The following VAMP4 variants were observed in gnomAD, a reference collection of about 807,000 sequenced individuals.
VAMP4 encodes vesicle-associated membrane protein 4.
In VAMP4, 19 loss-of-function variants were observed where a neutral mutation model predicts 23.5. The ratio of observed to expected loss-of-function variants is 0.81; its 90% CI spans 0.56 to 1.19. The LOEUF is 1.19. Ranked by LOEUF, VAMP4 falls within the 50% of genes most tolerant of loss-of-function variation. The pLI, the probability that VAMP4 is intolerant of heterozygous loss-of-function variation, is 0.00. For synonymous variants in VAMP4, 31 were observed against 51.0 expected, an observed-to-expected ratio of 0.61 and a Z score of 1.67; for missense variants, 145 against 168.6, an observed-to-expected ratio of 0.86 and a Z score of 0.78.
At chr1:171,708,713 C>T (rs1378302756) in intron 6 of VAMP4, among the ~76,000 whole-genome samples, 1 of 136,116 alleles carries the variant, frequency 7.3e-6, no homozygotes, top group Non-Finnish European at 1.6e-5. Flanking sequence ...AAAAAAAAAA[C>T]AAAAAAAACA....
At chr1:171,721,215 A>C (rs1044765356) in intron 3 of VAMP4, among the ~76,000 whole-genome samples, 3 of 152,166 alleles carry the variant, frequency 2.0e-5, no homozygotes, top group Non-Finnish European at 1.5e-5. Context: ...ATAATATGAA[A>C]GATGAATGCT....
chr1:171,724,373 AATG>A (rs1655298565), intron 3 of VAMP4, among the ~76,000 whole-genome samples: 1 of 151,982 alleles, frequency 6.6e-6, no homozygotes, highest in African/African-American at 2.4e-5. Context: ...ATCTAATGTA[AATG>A]ATGAGTTAAC....
chr1:171,723,026 A>G (rs1435023174), intron 3 of VAMP4, among the ~76,000 whole-genome samples: 1 of 152,124 alleles, frequency 6.6e-6, no homozygotes, highest in Non-Finnish European at 1.5e-5. Context: ...AAAGAGAGAA[A>G]TTTTAAAACT....
intron 3 of VAMP4, among the ~76,000 whole-genome samples, chr1:171,721,789 T>C (rs1227574744): frequency 6.6e-6 from 1 of 152,188 alleles, no homozygotes; most frequent in Non-Finnish European, 1.5e-5. Flanking sequence ...TCCATGCTCA[T>C]GGATAGGAAG....
chr1:171,716,113 T>C (rs994532773), intron 4 of VAMP4, among the ~76,000 whole-genome samples: 14 of 152,360 alleles, frequency 9.2e-5, no homozygotes, highest in African/African-American at 2.6e-4. Flanking sequence ...AAAGTTAAGC[T>C]GTATTTTTGC....
intron 2 of VAMP4, among the ~76,000 whole-genome samples, chr1:171,732,992 CAAAGA>C (rs1229762328): frequency 6.6e-6 from 1 of 151,798 alleles, no homozygotes; most frequent in East Asian, 1.9e-4. Context: ...TATAGAAAAA[CAAAGA>C]ATAGAAATAG....
At chr1:171,738,498 C>G in intron 1 of VAMP4, 35 bp from the exon 2 acceptor site, 3 of 1,379,824 alleles carry the variant, frequency 2.2e-6, no homozygotes, top group Non-Finnish European at 3.1e-6. Context: ...AGATTTGAGA[C>G]TTTGGGGCAT....
At chr1:171,725,657 T>C (rs1655338622) in intron 3 of VAMP4, among the ~76,000 whole-genome samples, 1 of 152,132 alleles carries the variant, frequency 6.6e-6, no homozygotes, top group Non-Finnish European at 1.5e-5. Context: ...CTATCTATCC[T>C]GTAAGCTCTT....
Position 171,741,965 on chromosome 1 carries a change from CG to C in VAMP4, c.-106del. The C allele has an allele frequency of 6.6e-6, 1 of 152,378 alleles. No individual in the cohort carries two copies. Among genetic ancestry groups the C allele is most frequent in the Non-Finnish European group, 1.5e-5 (1 of 68,076 alleles). 9.4% of individuals were successfully genotyped at this position (152,378 alleles called of 1,614,324 possible). A position where few individuals can be genotyped will look rare whatever the true frequency, so the allele number is the denominator to read the frequency against. On this transcript the variant is annotated 5_prime_UTR_variant, in exon 1 of 8. It removes the in-frame stop codon of an upstream open reading frame in the 5' UTR. Transcript: ENST00000236192. The stretch of plus-strand genomic sequence containing the variant: ...TCCCGGGCTGGCGGTGCTGGGCGGG[CG>C]GGGGAAGGAGTAGGAAGCCGAGGTA...
rs1654581729 is a variant in VAMP4 at position 171,704,452 on chromosome 1, G to T, written c.*54C>A. 3.4e-6 allele frequency: 5 copies of T among 1,462,202 alleles called. No homozygotes were observed. Among genetic ancestry groups the T allele is most frequent in the Non-Finnish European group, 4.6e-6 (5 of 1,084,418 alleles). 90.6% of individuals were successfully genotyped at this position (1,462,202 alleles called of 1,614,324 possible). On this transcript the variant is annotated 3_prime_UTR_variant, in exon 8 of 8. Coordinates refer to ENST00000236192, the MANE Select transcript of VAMP4 (RefSeq NM_003762.5). ...ACATAGGTTTCATTTAAATTATGCA[G>T]CAATCTTTTATTACTGTCCCAGATC...
intron 4 of VAMP4, among the ~76,000 whole-genome samples, chr1:171,716,381 C>A (rs1400070084): frequency 1.3e-5 from 2 of 152,178 alleles, no homozygotes; most frequent in African/African-American, 2.4e-5. Context: ...AATGCTGACT[C>A]CATTCCTTTG....
At chr1:171,724,302 A>G (rs1655293694) in intron 3 of VAMP4, among the ~76,000 whole-genome samples, 2 of 120,188 alleles carry the variant, frequency 1.7e-5, no homozygotes. Flanking sequence ...GGTGGGGAAC[A>G]TCACACACCG....
chr1:171,720,913 A>C (rs1289540349), intron 3 of VAMP4, among the ~76,000 whole-genome samples: 5 of 152,150 alleles, frequency 3.3e-5, no homozygotes, highest in Non-Finnish European at 5.9e-5. Context: ...AAAAATTCTT[A>C]ACAAACTCTT....
At chr1:171,709,575 G>A (rs553473017) in intron 6 of VAMP4, 90 bp downstream of exon 6, 38 of 1,172,794 alleles carry the variant, frequency 3.2e-5, no homozygotes, top group Non-Finnish European at 4.8e-5. Context: ...TTCTCACAGA[G>A]GTTATGCTCT....
chr1:171,720,832 A>C (rs1473528042), intron 3 of VAMP4, among the ~76,000 whole-genome samples: 2 of 152,088 alleles, frequency 1.3e-5, no homozygotes, highest in Non-Finnish European at 2.9e-5. Context: ...CTACCACGAA[A>C]ACCAGATAAA....
Position 171,728,777 on chromosome 1 carries a change from T to C in VAMP4, c.67-207A>G, listed in dbSNP as rs961914237. Among the ~76,000 whole-genome samples, 6 of 152,334 alleles carry C rather than the reference T, an allele frequency of 3.9e-5. No individual in the cohort carries two copies. The South Asian group carries it at 6.2e-4, about 16-fold the overall frequency. ...TTTGCAAAGAAAATGCTCATAATTA[T>C]AGAATCCTATAACTGACTAAAAAAG... On this transcript the variant is annotated intron_variant, in intron 2 of 7. Coordinates refer to ENST00000236192, the MANE Select transcript of VAMP4 (RefSeq NM_003762.5).
chr1:171,738,315 CTT>C, intron 2 of VAMP4, 32 bp downstream of exon 2: 1 of 1,605,472 alleles, frequency 6.2e-7, no homozygotes, highest in Non-Finnish European at 8.5e-7. Context: ...TATTTTGAAT[CTT>C]TTGTTTTTAA....
At position 171,738,686 on chromosome 1, in the gene VAMP4, G is replaced by T. The variant is rs761526826; in HGVS notation, c.-49-223C>A. On this transcript the variant is annotated intron_variant, in intron 1 of 7. Coordinates refer to ENST00000236192, the MANE Select transcript of VAMP4 (RefSeq NM_003762.5). Reference sequence around the variant, plus strand: ...GAGAAAATGGATGTAATTGCCCTAAGAGAACATGTGTAGGATATGAGTGAT... The same window carrying T: ...GAGAAAATGGATGTAATTGCCCTAATAGAACATGTGTAGGATATGAGTGAT... Among the ~76,000 whole-genome samples, 4 of 152,330 alleles carry T rather than the reference G, an allele frequency of 2.6e-5. No homozygotes were observed. The Middle Eastern group carries it at 0.01, about 389-fold the overall frequency.
intron 3 of VAMP4, among the ~76,000 whole-genome samples, chr1:171,720,510 G>T (rs1655156801): frequency 6.6e-6 from 1 of 151,528 alleles, no homozygotes; most frequent in South Asian, 2.1e-4. Flanking sequence ...AAAAAAGAAA[G>T]AAGGCATAAA....
Sources: allele counts gnomAD v4.1 joint callset (sites outside exome capture counted in the v4.1 genomes callset), GRCh38; gene constraint gnomAD v4.1.1; transcripts MANE v1.5; gene names NCBI Gene and HGNC (gene_info 2026-07-23, HGNC 2026-07-21).